WASL: variants seen among roughly 807,000 people sequenced by gnomAD.
The protein encoded by WASL is WASP like actin nucleation promoting factor.
WASL carries 20 observed loss-of-function variants against 55.5 expected under a neutral mutation model. The ratio of observed to expected loss-of-function variants is 0.36; its 90% CI spans 0.25 to 0.52. WASL has a LOEUF of 0.52. WASL is among the 20% of genes least tolerant of loss of function. The pLI is 0.92. For synonymous variants in WASL, 249 were observed against 217.6 expected, an observed-to-expected ratio of 1.14 and a Z score of -1.27; for missense variants, 504 against 622.5, an observed-to-expected ratio of 0.81 and a Z score of 2.03.
intron 1 of WASL, among the ~76,000 whole-genome samples, chr7:123,719,853 T>C (rs1316213247): frequency 6.6e-6 from 1 of 152,208 alleles, no homozygotes; most frequent in Non-Finnish European, 1.5e-5. Context: ...ACCAGCCAGA[T>C]AGTCACTAGT....
chr7:123,718,859 T>G (rs1803890398), intron 1 of WASL, among the ~76,000 whole-genome samples: 2 of 152,250 alleles, frequency 1.3e-5, no homozygotes, highest in South Asian at 4.1e-4. Flanking sequence ...TCCTGGCAAT[T>G]GCCACCCACA....
Position 123,692,817 on chromosome 7 carries a change from G to A in WASL, c.877C>T (p.Pro293Ser), listed in dbSNP as rs772484020. 4 of 1,413,172 alleles carry A rather than the reference G, an allele frequency of 2.8e-6. No individual in the cohort carries two copies. Among genetic ancestry groups the A allele is most frequent in the South Asian group, 2.0e-5 (1 of 49,816 alleles). The allele number at this position is 1,413,172 out of a possible 1,614,324, so 87.5% of individuals were successfully genotyped here. The change falls in exon 9 of 11, where the codon CCT becomes TCT. Residue 293 changes from proline (P) to serine (S), a missense_variant. By Grantham distance (74) the Pro-to-Ser change is moderately conservative. Around this residue, in one of 5 missense-constraint regions of WASL, gnomAD observed 201 missense variants for 206.2 expected, o/e 0.97. Coordinates refer to ENST00000223023, the MANE Select transcript of WASL (RefSeq NM_003941.4). The part of the protein sequence containing the change: ...SRGGPPPPPP[P>S]PHNSGPPPPP... ...GGAGGAGGACCTGAGTTGTGTGGAG[G>A]GGGAGGAGGAGGAGGTGGCCCTCCC...
At chr7:123,716,653 G>A (rs1423098389) in intron 1 of WASL, among the ~76,000 whole-genome samples, 4 of 152,068 alleles carry the variant, frequency 2.6e-5, no homozygotes, top group Non-Finnish European at 5.9e-5. Flanking sequence ...GAGGTAAAGA[G>A]AGAGGGAGAG....
intron 7 of WASL, among the ~76,000 whole-genome samples, 155 bp from the exon 8 acceptor site, chr7:123,695,023 C>A (rs1803469726): frequency 6.6e-6 from 1 of 151,976 alleles, no homozygotes; most frequent in African/African-American, 2.4e-5. Flanking sequence ...TTAAAAAAAA[C>A]TGAACAGATA....
chr7:123,696,052 G>A (rs1803487183), intron 6 of WASL, among the ~76,000 whole-genome samples, 187 bp from the exon 7 acceptor site: 1 of 151,998 alleles, frequency 6.6e-6, no homozygotes. Flanking sequence ...TTCTAGCCCT[G>A]ACTCTGCTAC....
At chr7:123,737,696 T>A (rs557357195) in intron 1 of WASL, among the ~76,000 whole-genome samples, 2 of 152,096 alleles carry the variant, frequency 1.3e-5, no homozygotes, top group South Asian at 2.1e-4. Context: ...AAAGCTGGAT[T>A]TCTATTACAT....
intron 5 of WASL, among the ~76,000 whole-genome samples, chr7:123,700,675 T>C (rs1192549062): frequency 6.6e-6 from 1 of 152,192 alleles, no homozygotes; most frequent in East Asian, 1.9e-4. Flanking sequence ...CCTGACCTCG[T>C]GATCCACCTG....
intron 1 of WASL, among the ~76,000 whole-genome samples, chr7:123,740,960 C>A (rs1804331629): frequency 6.6e-6 from 1 of 152,166 alleles, no homozygotes; most frequent in African/African-American, 2.4e-5. Flanking sequence ...TGCAGGTACT[C>A]CCCATGTCTA....
chr7:123,740,323 C>A (rs1313018482), intron 1 of WASL, among the ~76,000 whole-genome samples: 2 of 152,074 alleles, frequency 1.3e-5, no homozygotes, highest in African/African-American at 4.8e-5. Flanking sequence ...AAAAGGGTTA[C>A]AATTCCTCTA....
At chr7:123,694,953 A>G in intron 7 of WASL, 85 bp from the exon 8 acceptor site, 1 of 1,428,672 alleles carries the variant, frequency 7.0e-7, no homozygotes, top group Non-Finnish European at 9.4e-7. Flanking sequence ...TCCTTCTGAA[A>G]TTATTTTGCC....
chr7:123,708,619 C>T (rs1450271073), intron 2 of WASL, among the ~76,000 whole-genome samples: 5 of 151,722 alleles, frequency 3.3e-5, no homozygotes, highest in Non-Finnish European at 5.9e-5. Context: ...TCATGAGAAA[C>T]AATATAAGGA....
chr7:123,745,134 T>C (rs1454330942), intron 1 of WASL, among the ~76,000 whole-genome samples: 2 of 152,184 alleles, frequency 1.3e-5, no homozygotes, highest in Non-Finnish European at 2.9e-5. Flanking sequence ...CCTGCCTTTA[T>C]TGAAACTCCC....
Position 123,684,515 on chromosome 7 carries a change from T to G in WASL, c.*4A>C, listed in dbSNP as rs371404957. On this transcript the variant is annotated 3_prime_UTR_variant, in exon 11 of 11. Coordinates refer to ENST00000223023, the MANE Select transcript of WASL (RefSeq NM_003941.4). ...AAAATATATATATATATATAATATA[T>G]AGATCAGTCTTCCCACTCATCATCA... 1 of 791,872 alleles carries G rather than the reference T, an allele frequency of 1.3e-6. No homozygotes were observed. The highest frequency in any genetic ancestry group is 2.3e-5 in the Admixed American group (1 of 42,984). 49.1% of individuals were successfully genotyped at this position (791,872 alleles called of 1,614,324 possible). A position where few individuals can be genotyped will look rare whatever the true frequency, so the allele number is the denominator to read the frequency against.
chr7:123,725,148 C>T (rs1804020398), intron 1 of WASL, among the ~76,000 whole-genome samples: 2 of 152,116 alleles, frequency 1.3e-5, no homozygotes, highest in Admixed American at 6.5e-5. Flanking sequence ...CATAGAAGCA[C>T]GAAATAATTT....
At chr7:123,702,124 G>A (rs1274800249) in intron 5 of WASL, among the ~76,000 whole-genome samples, 1 of 151,202 alleles carries the variant, frequency 6.6e-6, no homozygotes, top group Non-Finnish European at 1.5e-5. Flanking sequence ...GTGTGATCTC[G>A]GCTCACTTGC....
In WASL at chr7:123,716,253, C is replaced by T. The variant is rs1316240389; in HGVS notation, c.118-7030G>A. Among the ~76,000 whole-genome samples the T allele has an allele frequency of 3.3e-5, 5 of 152,204 alleles. No homozygotes were observed. In the South Asian group the frequency reaches 1.0e-3, roughly 32 times the overall value. ...ATTTAGATGGAGGCTCGCTCTCTCA[C>T]CCAGGGTGGAGGAGTGCAATGGCAC... On this transcript the variant is annotated intron_variant, in intron 1 of 10. Transcript: ENST00000223023.
intron 5 of WASL, among the ~76,000 whole-genome samples, chr7:123,697,020 A>T (rs1803504146): frequency 6.6e-6 from 1 of 152,128 alleles, no homozygotes; most frequent in South Asian, 2.1e-4. Flanking sequence ...CTAGAATTTA[A>T]ATATAATTAG....
rs183406352 is a variant in WASL at position 123,699,970 on chromosome 7, G to A, written c.461-3223C>T. 9.7e-3 allele frequency among the ~76,000 whole-genome samples: 1,467 copies of A among 151,758 alleles called. 24 individuals carry two copies. The highest frequency in any genetic ancestry group is 0.011 in the Non-Finnish European group (731 of 67,864). Reference sequence around the variant, plus strand: ...GACGGGCGGATCACGAGGTCAGGAGGTCGAGACCATCCTGGCTAACACGGT... The same window carrying A: ...GACGGGCGGATCACGAGGTCAGGAGATCGAGACCATCCTGGCTAACACGGT... On this transcript the variant is annotated intron_variant, in intron 5 of 10. Transcript: ENST00000223023.
chr7:123,747,873 G>C (rs780959191), intron 1 of WASL, among the ~76,000 whole-genome samples: 6 of 151,972 alleles, frequency 3.9e-5, no homozygotes, highest in Non-Finnish European at 8.8e-5. Context: ...TGGCCGCACA[G>C]CACCAAACTA....
Sources: allele counts gnomAD v4.1 joint callset (sites outside exome capture counted in the v4.1 genomes callset), GRCh38; gene constraint gnomAD v4.1.1; regional missense constraint gnomAD v4.1.1; transcripts MANE v1.5; gene names NCBI Gene and HGNC (gene_info 2026-07-23, HGNC 2026-07-21).